Variants in DAPK1 observed in about 807,000 individuals in gnomAD.
DAPK1 encodes death associated protein kinase 1, also known as death-associated protein kinase 1.
Under a neutral mutation model 144.9 loss-of-function variants are expected in DAPK1, and 56 were observed. That is an observed-to-expected ratio of 0.39 (90% CI 0.31 to 0.48). The LOEUF is 0.48. Ranked by LOEUF, DAPK1 falls within the 20% of genes least tolerant of loss-of-function variation. The pLI, the probability that DAPK1 is intolerant of heterozygous loss-of-function variation, is 0.95. For synonymous variants in DAPK1, 690 were observed against 749.0 expected (o/e 0.92, Z 1.29); for missense variants, 1,454 against 1,875.4 (o/e 0.78, Z 4.15).
At chr9:87,625,057 A>G (rs1468023561) in intron 3 of DAPK1, among the ~76,000 whole-genome samples, 1 of 152,246 alleles carries the variant, frequency 6.6e-6, no homozygotes, top group Non-Finnish European at 1.5e-5. Flanking sequence ...ATGTTTTTAC[A>G]TTTTCAAATG....
intron 24 of DAPK1, among the ~76,000 whole-genome samples, chr9:87,701,369 C>T (rs1825445655): frequency 1.3e-5 from 2 of 152,064 alleles, no homozygotes; most frequent in South Asian, 4.1e-4. Context: ...TTCAAAATAA[C>T]TAGGGACTGA....
chr9:87,623,362 T>C (rs536302865), intron 3 of DAPK1, among the ~76,000 whole-genome samples: 23 of 152,218 alleles, frequency 1.5e-4, no homozygotes, highest in Non-Finnish European at 3.2e-4. Flanking sequence ...AGATTAGTCT[T>C]TCATGCCTAT....
chr9:87,573,244 A>C (rs1827426089), intron 2 of DAPK1, among the ~76,000 whole-genome samples: 2 of 152,202 alleles, frequency 1.3e-5, no homozygotes, highest in African/African-American at 4.8e-5. Context: ...CACAGCTGAC[A>C]ACCCACCTCA....
chr9:87,570,660 C>T (rs1827297286), intron 2 of DAPK1, among the ~76,000 whole-genome samples: 1 of 152,314 alleles, frequency 6.6e-6, no homozygotes, highest in East Asian at 1.9e-4. Context: ...CCCAGGCGTG[C>T]ACTTCTTAGG....
chr9:87,548,685 G>T (rs1187318874), intron 2 of DAPK1, among the ~76,000 whole-genome samples: 1 of 152,122 alleles, frequency 6.6e-6, no homozygotes, highest in Non-Finnish European at 1.5e-5. Context: ...AACCAGTGTT[G>T]CATGGATTTG....
intron 11 of DAPK1, among the ~76,000 whole-genome samples, chr9:87,644,771 T>A (rs941692498): frequency 6.6e-6 from 1 of 152,054 alleles, no homozygotes; most frequent in African/African-American, 2.4e-5. Context: ...GGACCAAGGG[T>A]CTTGTAGGAG....
chr9:87,647,311 T>G lies in DAPK1; in HGVS notation c.1237T>G (p.Ser413Ala). Reference sequence around the variant, plus strand: ...CAGGTTGATTTTCCTGCAGGGCGGGTCCAATGCCGTCTACTGGGCTGCTCG... The same window carrying G: ...CAGGTTGATTTTCCTGCAGGGCGGGGCCAATGCCGTCTACTGGGCTGCTCG... ...SRIDVQDKGG[S>A]NAVYWAARHG... The change falls in exon 14 of 26, where the codon TCC (serine) becomes GCC (alanine). Residue 413 changes from serine (S) to alanine (A), a missense_variant. Transcript: ENST00000408954. The G allele has an allele frequency of 6.2e-7, 1 of 1,614,024 alleles. No homozygotes were observed. The highest frequency in any genetic ancestry group is 8.5e-7 in the Non-Finnish European group (1 of 1,179,946).
chr9:87,613,828 C>G (rs1403068154), intron 3 of DAPK1, among the ~76,000 whole-genome samples: 1 of 152,228 alleles, frequency 6.6e-6, no homozygotes, highest in African/African-American at 2.4e-5. Flanking sequence ...CACACTCAGA[C>G]TTCCTCAATG....
chr9:87,659,045 G>C (rs968858014), intron 18 of DAPK1, among the ~76,000 whole-genome samples: 4 of 152,258 alleles, frequency 2.6e-5, no homozygotes, highest in African/African-American at 9.6e-5. Flanking sequence ...TTCCACGCCA[G>C]GTGTCAGAGC....
At chr9:87,523,289 C>G (rs1825370224) in intron 2 of DAPK1, among the ~76,000 whole-genome samples, 1 of 152,172 alleles carries the variant, frequency 6.6e-6, no homozygotes, top group South Asian at 2.1e-4. Flanking sequence ...TAGAAAGGCC[C>G]TTACCGCTCT....
intron 18 of DAPK1, among the ~76,000 whole-genome samples, chr9:87,662,005 T>G (rs1308755174): frequency 1.3e-5 from 2 of 152,198 alleles, no homozygotes; most frequent in Non-Finnish European, 2.9e-5. Flanking sequence ...CTGCAAATGG[T>G]GAGAGAGAAG....
chr9:87,640,505 C>G, intron 8 of DAPK1, 55 bp downstream of exon 8: 1 of 1,578,570 alleles, frequency 6.3e-7, no homozygotes, highest in Non-Finnish European at 8.6e-7. Flanking sequence ...CAGCCCAGAG[C>G]CTGTGTCTGT....
rs369870778 is a variant in DAPK1, at chr9:87,571,305, G to C, written c.63-33649G>C. Among the ~76,000 whole-genome samples, 4 of 151,896 alleles carry C rather than the reference G, an allele frequency of 2.6e-5. No homozygotes were observed. The East Asian group carries it at 5.8e-4, about 22-fold the overall frequency. On this transcript the variant is annotated intron_variant, in intron 2 of 25. Transcript: ENST00000408954. The stretch of plus-strand genomic sequence containing the variant: ...TGGAGCAAGTATCTGAACTGTTGCT[G>C]GTGTTTGCCTGTGAAATTGTAATCA...
intron 2 of DAPK1, among the ~76,000 whole-genome samples, chr9:87,579,480 G>A (rs956105913): frequency 8.5e-5 from 13 of 152,172 alleles, no homozygotes; most frequent in African/African-American, 1.7e-4. Context: ...GCTCTGTGCC[G>A]GAAAAGTGGT....
At chr9:87,535,469 A>T (rs1825828063) in intron 2 of DAPK1, among the ~76,000 whole-genome samples, 1 of 152,158 alleles carries the variant, frequency 6.6e-6, no homozygotes, top group South Asian at 2.1e-4. Flanking sequence ...AACATTTGAA[A>T]CTTGGTCTGT....
intron 21 of DAPK1, among the ~76,000 whole-genome samples, chr9:87,694,896 A>C (rs1350344959): frequency 6.6e-6 from 1 of 152,132 alleles, no homozygotes; most frequent in Non-Finnish European, 1.5e-5. Flanking sequence ...AGCCAGCCTG[A>C]GCTCCCTCTC....
At chr9:87,554,952 G>A (rs1826648938) in intron 2 of DAPK1, among the ~76,000 whole-genome samples, 1 of 152,220 alleles carries the variant, frequency 6.6e-6, no homozygotes, top group South Asian at 2.1e-4. Context: ...GGTATCAGTT[G>A]TAGAGGCCCC....
At position 87,700,244 on chromosome 9, in the gene DAPK1, A is replaced by G. The variant is rs1210307365; in HGVS notation, c.2871+7A>G. 2 of 1,610,658 alleles carry G rather than the reference A, an allele frequency of 1.2e-6. No homozygotes were observed. The highest frequency in any genetic ancestry group is 1.7e-6 in the Non-Finnish European group (2 of 1,176,806). The stretch of plus-strand genomic sequence containing the variant: ...ACGAAGCCAGATTGTTTCGGTAAGT[A>G]CACCATGGAAAGAGCCTGGACCCCT... On this transcript the variant is annotated splice_region_variant and intron_variant, in intron 24 of 25. Coordinates refer to ENST00000408954, the MANE Select transcript of DAPK1 (RefSeq NM_004938.4).
At position 87,703,222 on chromosome 9, in the gene DAPK1, G is replaced by A; in HGVS notation, c.3060+5G>A. The stretch of plus-strand genomic sequence containing the variant: ...CAGCTCCACAGCACAGGCGAGGTGA[G>A]CCCCTGGGAGCCCAGGCAGGGGGCC... On this transcript the variant is annotated splice_donor_5th_base_variant and intron_variant, in intron 25 of 25. Transcript: ENST00000408954. 1.9e-6 allele frequency: 3 copies of A among 1,581,544 alleles called. No homozygotes were observed. The highest frequency in any genetic ancestry group is 2.6e-6 in the Non-Finnish European group (3 of 1,151,214).
Sources: gnomAD v4.1 joint callset for allele counts (sites outside exome capture counted in the v4.1 genomes callset) on GRCh38, gnomAD v4.1.1 for gene constraint, MANE v1.5 for transcripts, NCBI Gene and HGNC (gene_info 2026-07-23, HGNC 2026-07-21) for gene names.